RAD51AP2: variants seen among roughly 807,000 people sequenced by gnomAD.
RAD51AP2 encodes the protein RAD51 associated protein 2, also known as RAD51-associated protein 2.
A neutral mutation model predicts 85.5 loss-of-function variants in RAD51AP2; 67 were observed. That is an observed-to-expected ratio of 0.78 (90% CI 0.64 to 0.96). The LOEUF (loss-of-function observed/expected upper bound fraction) is 0.96, where lower values mean the gene tolerates loss of function less well. Among genes scored for constraint, RAD51AP2 ranks in the 40% least tolerant of loss-of-function variants. The pLI, the probability that RAD51AP2 is intolerant of heterozygous loss-of-function variation, is 0.00. For synonymous variants in RAD51AP2, 474 were observed against 446.5 expected, an observed-to-expected ratio of 1.06 and a Z score of -0.78; for missense variants, 1,307 against 1,332.4, an observed-to-expected ratio of 0.98 and a Z score of 0.30.
At chr2:17,525,624 T>C in the RAD51AP2 span, among the ~76,000 whole-genome samples, 1 of 152,088 alleles carries the variant, frequency 6.6e-6, no homozygotes, top group Non-Finnish European at 1.5e-5. Flanking sequence ...TTTTACATAG[T>C]ACTTATGAAT....
At chr2:17,536,419 G>T in the RAD51AP2 span, among the ~76,000 whole-genome samples, 1 of 152,180 alleles carries the variant, frequency 6.6e-6, no homozygotes, top group Non-Finnish European at 1.5e-5. Flanking sequence ...TGCCACTAAC[G>T]ATAATGGTAA....
chr2:17,533,895 A>T, the RAD51AP2 span, among the ~76,000 whole-genome samples: 40 of 152,216 alleles, frequency 2.6e-4, no homozygotes, highest in African/African-American at 9.4e-4. Flanking sequence ...AGCCATCTGG[A>T]TGATGTTTTA....
chr2:17,518,522 G>A (rs1370260726), upstream of RAD51AP2: 1 of 1,410,328 alleles, frequency 7.1e-7, no homozygotes, highest in East Asian at 2.3e-5. Context: ...TCAAGACCTG[G>A]CCTTAGCCTA....
intron 1 of RAD51AP2, among the ~76,000 whole-genome samples, chr2:17,514,537 G>GT (rs1313619647): frequency 2.0e-5 from 1 of 51,242 alleles, no homozygotes; most frequent in Non-Finnish European, 7.4e-5. Flanking sequence ...CGAGGGCGGC[G>GT]GGGGGGGTGG....
At chr2:17,532,561 G>A in the RAD51AP2 span, among the ~76,000 whole-genome samples, 1 of 152,064 alleles carries the variant, frequency 6.6e-6, no homozygotes, top group African/African-American at 2.4e-5. Flanking sequence ...TTGGTCTAGC[G>A]AGGTTTTAGT....
chr2:17,513,009 A>G (rs62130398), intron 2 of RAD51AP2, among the ~76,000 whole-genome samples: 4,481 of 152,286 alleles, frequency 0.029, 66 homozygotes, highest in Middle Eastern at 0.054. Context: ...TAGTAAATAT[A>G]TTTAACCTAC....
the RAD51AP2 span, among the ~76,000 whole-genome samples, chr2:17,536,439 G>C: frequency 2.6e-5 from 4 of 152,178 alleles, no homozygotes; most frequent in Non-Finnish European, 4.4e-5. Context: ...AAAATTTCCA[G>C]CTTCAGAGCA....
chr2:17,516,036 T>C lies in RAD51AP2; in HGVS notation c.2380A>G (p.Ile794Val), dbSNP rs980517556. The C allele has an allele frequency of 6.2e-7, 1 of 1,613,794 alleles. No individual in the cohort carries two copies. Among genetic ancestry groups the C allele is most frequent in the African/African-American group, 1.3e-5 (1 of 74,944 alleles). Residue 794 changes from isoleucine (I) to valine (V), a missense_variant, in exon 1 of 3, where the codon ATA (isoleucine) becomes GTA (valine). By Grantham distance (29) the Ile-to-Val change is conservative. Coordinates refer to ENST00000399080, the MANE Select transcript of RAD51AP2 (RefSeq NM_001099218.3). Reference sequence around the variant, plus strand: ...TGTATTATGTTGTGGCTTGCTGGTATGGCCTGTTGCCTAACATTGCAGAGA... The same window carrying C: ...TGTATTATGTTGTGGCTTGCTGGTACGGCCTGTTGCCTAACATTGCAGAGA... ...EDLCNVRQQA[I>V]PASHNIIHNE...
intron 1 of RAD51AP2, among the ~76,000 whole-genome samples, chr2:17,514,594 C>A (rs993575112): frequency 6.6e-6 from 1 of 151,954 alleles, no homozygotes; most frequent in Non-Finnish European, 1.5e-5. Flanking sequence ...CACAGTGAAG[C>A]CCCCATCTCT....
At chr2:17,531,704 A>T in the RAD51AP2 span, among the ~76,000 whole-genome samples, 1 of 152,200 alleles carries the variant, frequency 6.6e-6, no homozygotes, top group Non-Finnish European at 1.5e-5. Context: ...GATTTCCATG[A>T]GCAACAATAA....
chr2:17,516,601 C>A lies in RAD51AP2; in HGVS notation c.1815G>T (p.Glu605Asp). The A allele has an allele frequency of 6.3e-7, 1 of 1,579,160 alleles. No homozygotes were observed. The highest frequency in any genetic ancestry group is 2.3e-5 in the East Asian group (1 of 44,444). Residue 605 changes from glutamate (E) to aspartate (D), a missense_variant, in exon 1 of 3, where the codon GAG becomes GAT. Physicochemically the swap from Glu to Asp is conservative, Grantham distance 45 (BLOSUM62 2). This residue lies in a region of RAD51AP2 where 668 missense variants were observed against 671.0 expected (regional missense o/e 1.00). Coordinates refer to ENST00000399080, the MANE Select transcript of RAD51AP2 (RefSeq NM_001099218.3). ...TRIENDFELE[E>D]ECIFKCMLYL... ...AAAGCATGCACTTGAAAATGCATTC[C>A]TCTTCTAATTCAAAATCATTTTCAA...
the RAD51AP2 span, among the ~76,000 whole-genome samples, chr2:17,527,850 C>A: frequency 6.6e-6 from 1 of 152,184 alleles, no homozygotes; most frequent in Admixed American, 6.5e-5. Context: ...AGTTCAACAG[C>A]AGATAAGGAT....
Position 17,515,791 on chromosome 2 carries a change from T to C in RAD51AP2, c.2625A>G (p.Ser875=), listed in dbSNP as rs777834334. ...TTACTTCCTTACTTATTAATGAAAC[T>C]GACTGTACAGAAAACATGTCATCCA... ...FPMDDMFSVQ[S]VSLISKEVNV... is the part of the protein sequence containing the mutation. Residue 875 remains serine (S), a synonymous_variant, in exon 1 of 3, where the codon TCA becomes TCG. Transcript: ENST00000399080. 5.0e-5 allele frequency: 80 copies of C among 1,602,080 alleles called. No individual in the cohort carries two copies. In the Admixed American group the frequency reaches 1.4e-3, roughly 27 times the overall value.
At chr2:17,515,013 A>AG (rs968673200) in intron 1 of RAD51AP2, among the ~76,000 whole-genome samples, 156 bp downstream of exon 1, 18 of 151,900 alleles carry the variant, frequency 1.2e-4, no homozygotes, top group Admixed American at 8.5e-4. Flanking sequence ...GCTGGAAAAA[A>AG]AAAAAAAGAA....
chr2:17,522,415 T>G (rs1322835562), upstream of RAD51AP2, among the ~76,000 whole-genome samples: 1 of 152,068 alleles, frequency 6.6e-6, no homozygotes, highest in Admixed American at 6.5e-5. Context: ...CAGTCATCTT[T>G]AGACCCCTAC....
In RAD51AP2 at chr2:17,515,489, C is replaced by T. The variant is rs17314548; in HGVS notation, c.2927G>A (p.Arg976His). Residue 976 changes from arginine (R) to histidine (H), a missense_variant, in exon 1 of 3, where the codon CGT becomes CAT. Arg to His is a conservative substitution (Grantham distance 29). Transcript: ENST00000399080. ...RKFDLVLEEL[R>H]MFHEISRENE... ...TTCCCTACTAATTTCATGAAACATA[C>T]GAAGTTCTTCAAGTACTAAGTCAAA... 0.031 allele frequency: 49,411 copies of T among 1,613,138 alleles called. 859 individuals are homozygous for T. The highest frequency in any genetic ancestry group is 0.045 in the Middle Eastern group (270 of 6,056).
In RAD51AP2 at chr2:17,515,480, T is replaced by A. The variant is rs1662627471; in HGVS notation, c.2936A>T (p.His979Leu). Residue 979 changes from histidine to leucine, a missense_variant, in exon 1 of 3, where the codon CAT becomes CTT. Around this residue, in one of 3 missense-constraint regions of RAD51AP2, gnomAD observed 668 missense variants for 671.0 expected, o/e 1.00. Transcript: ENST00000399080. The stretch of plus-strand genomic sequence containing the variant: ...AAGTTCATTTTCCCTACTAATTTCA[T>A]GAAACATACGAAGTTCTTCAAGTAC... ...DLVLEELRMF[H>L]EISRENELLS... 1 of 1,613,450 alleles carries A rather than the reference T, an allele frequency of 6.2e-7. No individual in the cohort carries two copies. Among genetic ancestry groups the A allele is most frequent in the African/African-American group, 1.3e-5 (1 of 74,912 alleles).
chr2:17,530,099 A>G, the RAD51AP2 span, among the ~76,000 whole-genome samples: 4 of 152,230 alleles, frequency 2.6e-5, no homozygotes, highest in African/African-American at 9.6e-5. Flanking sequence ...ACCAAAGAGT[A>G]AAATTCTCTT....
chr2:17,523,080 TTTCTG>T (rs1662891107), upstream of RAD51AP2, among the ~76,000 whole-genome samples: 1 of 151,906 alleles, frequency 6.6e-6, no homozygotes, highest in African/African-American at 2.4e-5. Flanking sequence ...TTATTTAGTT[TTTCTG>T]AGACACAGCT....
Sources: gnomAD v4.1 joint callset for allele counts (sites outside exome capture counted in the v4.1 genomes callset) on GRCh38, gnomAD v4.1.1 for gene constraint, gnomAD v4.1.1 regional missense constraint, MANE v1.5 for transcripts, NCBI Gene and HGNC (gene_info 2026-07-23, HGNC 2026-07-21) for gene names.